DUSP8: variants seen among roughly 807,000 people sequenced by gnomAD.
The protein encoded by DUSP8 is dual specificity phosphatase 8, also known as dual specificity protein phosphatase 8.
In DUSP8, 15 loss-of-function variants were observed where a neutral mutation model predicts 38.7. The ratio of observed to expected loss-of-function variants is 0.39; its 90% confidence interval spans 0.26 to 0.60. The LOEUF is 0.60. Among genes scored for constraint, DUSP8 ranks in the 20% least tolerant of loss-of-function variants. The pLI is 0.56. For synonymous variants in DUSP8, 458 were observed against 433.9 expected (o/e 1.06, Z -0.69); for missense variants, 768 against 915.0 (o/e 0.84, Z 2.07).
Position 1,557,401 on chromosome 11 carries a change from A to C in DUSP8, c.995T>G (p.Leu332Arg). The C allele has an allele frequency of 6.4e-7, 1 of 1,569,368 alleles. No homozygotes were observed. Among genetic ancestry groups the C allele is most frequent in the Non-Finnish European group, 8.6e-7 (1 of 1,169,366 alleles). The part of the protein sequence containing the change: ...SPAAGAPLPR[L>R]PPPTSESAAT... The stretch of plus-strand genomic sequence containing the variant: ...AGCGCTCTCTGAGGTAGGTGGTGGC[A>C]GCCGTGGCAGCGGGGCCCCGGCGGC... Residue 332 changes from leucine to arginine, a missense_variant, in exon 7 of 7, where the codon CTG becomes CGG. Leu to Arg is a moderately radical substitution (Grantham distance 102). This residue lies in a region of DUSP8 where 474 missense variants were observed against 430.8 expected (regional missense o/e 1.10). Coordinates refer to ENST00000397374, the MANE Select transcript of DUSP8 (RefSeq NM_004420.3). The surrounding 1 kb of genome is among the most constrained non-coding windows in gnomAD (Gnocchi z 9.9).
Position 1,555,248 on chromosome 11 carries a change from G to A in DUSP8, c.*1270C>T. The A allele has an allele frequency of 2.0e-6, 2 of 987,882 alleles. No homozygotes were observed. The highest frequency in any genetic ancestry group is 2.4e-6 in the Non-Finnish European group (2 of 830,176). 61.2% of individuals were successfully genotyped at this position (987,882 alleles called of 1,614,324 possible). A position where few individuals can be genotyped will look rare whatever the true frequency, so the allele number is the denominator to read the frequency against. On this transcript the variant is annotated 3_prime_UTR_variant, in exon 7 of 7. Coordinates refer to ENST00000397374, the MANE Select transcript of DUSP8 (RefSeq NM_004420.3). ...GGGGCTGGCATGCCACCTAGAGAGA[G>A]AGCACCCTGGGAAAGGGGTGAATGG...
At chr11:1,562,603 A>C (rs1307017645) in intron 3 of DUSP8, among the ~76,000 whole-genome samples, 1 of 152,240 alleles carries the variant, frequency 6.6e-6, no homozygotes, top group Non-Finnish European at 1.5e-5. Flanking sequence ...ACACGTGCAC[A>C]CACGTACATG....
chr11:1,572,434 G>A (rs561247425), upstream of DUSP8, among the ~76,000 whole-genome samples: 2 of 150,016 alleles, frequency 1.3e-5, no homozygotes, highest in Non-Finnish European at 3.0e-5. This position sits in a 1 kb window ranked among gnomAD's most constrained non-coding sequence, Gnocchi z 4.7. Flanking sequence ...TGCCGCGGGG[G>A]GGGGGCGGGG....
rs951014218 is a variant in DUSP8, at chr11:1,572,222, G to A, written c.-430C>T. Among the ~76,000 whole-genome samples, 3 of 146,864 alleles carry A rather than the reference G, an allele frequency of 2.0e-5. No homozygotes were observed. In the South Asian group the frequency reaches 6.3e-4, roughly 31 times the overall value. ...CTCGGGCTCGGGCGTCCGGCGTCCG[G>A]CGGGGCGTCGTGGGGGGAGCCGGCT... is the stretch of plus-strand genomic sequence containing the variant. On this transcript the variant is annotated 5_prime_UTR_variant, in exon 1 of 7. Transcript: ENST00000397374. The surrounding 1 kb of genome is among the most constrained non-coding windows in gnomAD (Gnocchi z 4.7).
At position 1,572,033 on chromosome 11, in the gene DUSP8, G is replaced by A. The variant is rs1473391139; in HGVS notation, c.-241C>T. ...GGGGCCGGGGGAGCGCGCGGGCCGC[G>A]TCGCCGTCGCCGCCGTCGCCGCCGC... On this transcript the variant is annotated 5_prime_UTR_variant, in exon 1 of 7. It adds an upstream start codon to the 5' untranslated region. Transcript: ENST00000397374. This position sits in a 1 kb window ranked among gnomAD's most constrained non-coding sequence, Gnocchi z 4.7. 1 of 145,600 alleles carries A rather than the reference G, an allele frequency of 6.9e-6. No homozygotes were observed. Among genetic ancestry groups the A allele is most frequent in the Admixed American group, 6.8e-5 (1 of 14,686 alleles). The allele number at this position is 145,600 out of a possible 1,614,324, so 9.0% of individuals were successfully genotyped here.
rs1213105460 is a variant in DUSP8 at position 1,572,206 on chromosome 11, G to GGGCGTCC, written c.-421_-415dup. The stretch of plus-strand genomic sequence containing the variant: ...CGGGCTCGGGCTCGGGCTCGGGCTC[G>GGGCGTCC]GGCGTCCGGCGTCCGGCGGGGCGTC... On this transcript the variant is annotated 5_prime_UTR_variant, in exon 1 of 7. Coordinates refer to ENST00000397374, the MANE Select transcript of DUSP8 (RefSeq NM_004420.3). The surrounding 1 kb of genome is among the most constrained non-coding windows in gnomAD (Gnocchi z 4.7). 4.1e-5 allele frequency among the ~76,000 whole-genome samples: 6 copies of GGGCGTCC among 145,388 alleles called. No individual in the cohort carries two copies. The highest frequency in any genetic ancestry group is 1.4e-4 in the Admixed American group (2 of 14,688).
At chr11:1,563,794 C>T (rs1848757945) in intron 3 of DUSP8, 57 bp downstream of exon 3, 1 of 1,433,260 alleles carries the variant, frequency 7.0e-7, no homozygotes, top group Admixed American at 2.7e-5. Context: ...CAGCCCCAGC[C>T]CCAGCCCCAC....
In DUSP8 at chr11:1,558,079, C is replaced by A; in HGVS notation, c.697+33G>T. ...CACACAGCTCTAGCCTTCCTCTAGC[C>A]AGGTCCCTGCCCTCCGCCCACCGCA... On this transcript the variant is annotated intron_variant, in intron 5 of 6. Transcript: ENST00000397374. This position sits in a 1 kb window ranked among gnomAD's most constrained non-coding sequence, Gnocchi z 6.3. 1 of 1,611,746 alleles carries A rather than the reference C, an allele frequency of 6.2e-7. No individual in the cohort carries two copies. The highest frequency in any genetic ancestry group is 8.5e-7 in the Non-Finnish European group (1 of 1,179,810).
In DUSP8 at chr11:1,565,758, C is replaced by T. The variant is rs771731952; in HGVS notation, c.69G>A (p.Gly23=). The change falls in exon 2 of 7, where the codon GGG becomes GGA. Residue 23 remains glycine (G), a synonymous_variant. Transcript: ENST00000397374. ...AKKLASLLRG[G]PGGPLVIDSR... ...TGTCGATGACCAGCGGCCCCCCAGGCCCGCCCCGCAGCAGGCTGGCCAGCT... is the reference window on the plus strand; with the variant it reads ...TGTCGATGACCAGCGGCCCCCCAGGTCCGCCCCGCAGCAGGCTGGCCAGCT... 1.2e-6 allele frequency: 2 copies of T among 1,611,610 alleles called. No individual in the cohort carries two copies. Among genetic ancestry groups the T allele is most frequent in the South Asian group, 2.2e-5 (2 of 91,038 alleles).
Position 1,572,012 on chromosome 11 carries a change from C to A in DUSP8, c.-220G>T, listed in dbSNP as rs1349406704. On this transcript the variant is annotated 5_prime_UTR_variant, in exon 1 of 7. Transcript: ENST00000397374. The surrounding 1 kb of genome is among the most constrained non-coding windows in gnomAD (Gnocchi z 4.7). The stretch of plus-strand genomic sequence containing the variant: ...GGGGCCCGCGCAGCCGGGGCAGGGG[C>A]CGGGGGAGCGCGCGGGCCGCGTCGC... 2 of 145,282 alleles carry A rather than the reference C, an allele frequency of 1.4e-5. No homozygotes were observed. Among genetic ancestry groups the A allele is most frequent in the Non-Finnish European group, 3.1e-5 (2 of 65,544 alleles). The allele number at this position is 145,282 out of a possible 1,614,324, so 9.0% of individuals were successfully genotyped here. A position where few individuals can be genotyped will look rare whatever the true frequency, so the allele number is the denominator to read the frequency against.
At chr11:1,562,636 T>C (rs535413009) in intron 3 of DUSP8, among the ~76,000 whole-genome samples, 12 of 151,386 alleles carry the variant, frequency 7.9e-5, no homozygotes, top group Non-Finnish European at 1.5e-4. Flanking sequence ...CACACAGGCA[T>C]GCATATGCCC....
At chr11:1,564,980 C>T (rs560303615) in intron 2 of DUSP8, among the ~76,000 whole-genome samples, 41 of 152,336 alleles carry the variant, frequency 2.7e-4, no homozygotes, top group Admixed American at 7.8e-4. Flanking sequence ...TCAACAGCCC[C>T]GCTGGTCCCT....
chr11:1,570,935 A>C (rs2133453157), intron 1 of DUSP8, among the ~76,000 whole-genome samples: 1 of 149,516 alleles, frequency 6.7e-6, no homozygotes, highest in East Asian at 2.0e-4. Context: ...GGCCTGCAGC[A>C]CCCCACCCCC....
intron 3 of DUSP8, among the ~76,000 whole-genome samples, chr11:1,560,274 G>T (rs143797834): frequency 6.6e-6 from 1 of 152,154 alleles, no homozygotes. Flanking sequence ...GAACCCCAGG[G>T]CTCTTTTTTG....
In DUSP8 at chr11:1,556,036, T is replaced by TGGTGCAGAGCCCTAGGCC. The variant is rs1209885544; in HGVS notation, c.*464_*481dup. On this transcript the variant is annotated 3_prime_UTR_variant, in exon 7 of 7. Transcript: ENST00000397374. This position sits in a 1 kb window ranked among gnomAD's most constrained non-coding sequence, Gnocchi z 5.2. Reference sequence around the variant, plus strand: ...CTCCTGCTCCTCCATCCTATGGCTTTGGTGCAGAGCCCTAGGCCGGCGCAG... The same window carrying TGGTGCAGAGCCCTAGGCC: ...CTCCTGCTCCTCCATCCTATGGCTTTGGTGCAGAGCCCTAGGCCGGTGCAGAGCCCTAGGCCGGCGCAG... 1 of 147,734 alleles carries TGGTGCAGAGCCCTAGGCC rather than the reference T, an allele frequency of 6.8e-6. No homozygotes were observed. Among genetic ancestry groups the TGGTGCAGAGCCCTAGGCC allele is most frequent in the African/African-American group, 2.5e-5 (1 of 40,508 alleles). 9.2% of individuals were successfully genotyped at this position (147,734 alleles called of 1,614,324 possible).
At position 1,555,440 on chromosome 11, in the gene DUSP8, C is replaced by G; in HGVS notation, c.*1078G>C. The stretch of plus-strand genomic sequence containing the variant: ...GCACCTGCTCACAGAGCCCCTCAGC[C>G]TGCAGGTGCACACCTGAATTCCAAG... On this transcript the variant is annotated 3_prime_UTR_variant, in exon 7 of 7. Coordinates refer to ENST00000397374, the MANE Select transcript of DUSP8 (RefSeq NM_004420.3). The G allele has an allele frequency of 4.1e-6, 4 of 986,030 alleles. No homozygotes were observed. Among genetic ancestry groups the G allele is most frequent in the Non-Finnish European group, 4.8e-6 (4 of 829,956 alleles). The allele number at this position is 986,030 out of a possible 1,614,324, so 61.1% of individuals were successfully genotyped here. A position where few individuals can be genotyped will look rare whatever the true frequency, so the allele number is the denominator to read the frequency against.
intron 1 of DUSP8, among the ~76,000 whole-genome samples, chr11:1,566,952 T>C (rs552453599): frequency 6.6e-6 from 1 of 152,288 alleles, no homozygotes; most frequent in South Asian, 2.1e-4. Flanking sequence ...CCCTGTCACC[T>C]GCCAGGACTG....
rs1329762216 is a variant in DUSP8, at chr11:1,557,494, T to C, written c.902A>G (p.Lys301Arg). Residue 301 changes from lysine to arginine, a missense_variant, in exon 7 of 7, where the codon AAG becomes AGG. Lys to Arg is a conservative substitution (Grantham distance 26). Around this residue, in one of 3 missense-constraint regions of DUSP8, gnomAD observed 474 missense variants for 430.8 expected, o/e 1.10. Coordinates refer to ENST00000397374, the MANE Select transcript of DUSP8 (RefSeq NM_004420.3). This position sits in a 1 kb window ranked among gnomAD's most constrained non-coding sequence, Gnocchi z 9.9. Reference protein sequence around the residue: ...GQLLEYERSLKLLAALQGDPG... With the variant: ...GQLLEYERSLRLLAALQGDPG... ...GTCGCCCTGCAGGGCGGCCAGCAGC[T>C]TCAGGCTGCGCTCGTACTCCAGCAG... is the stretch of plus-strand genomic sequence containing the variant. 6.3e-7 allele frequency: 1 copy of C among 1,582,552 alleles called. No homozygotes were observed. The highest frequency in any genetic ancestry group is 8.5e-7 in the Non-Finnish European group (1 of 1,173,516).
intron 3 of DUSP8, among the ~76,000 whole-genome samples, chr11:1,562,354 C>T (rs116459049): frequency 6.6e-6 from 1 of 152,288 alleles, no homozygotes; most frequent in African/African-American, 2.4e-5. Flanking sequence ...GCAAACTGGC[C>T]TTTGGGAGGG....
Sources: allele counts gnomAD v4.1 joint callset (sites outside exome capture counted in the v4.1 genomes callset), GRCh38; gene constraint gnomAD v4.1.1; regional missense constraint gnomAD v4.1.1; non-coding constraint Gnocchi (gnomAD v3.1); transcripts MANE v1.5; gene names NCBI Gene and HGNC (gene_info 2026-07-23, HGNC 2026-07-21).